Variants in ESRRG observed in about 807,000 individuals in gnomAD.
The protein encoded by ESRRG is estrogen-related receptor gamma.
ESRRG carries 13 observed loss-of-function variants against 44.0 expected under a neutral mutation model. The ratio of observed to expected loss-of-function variants is 0.30; its 90% CI spans 0.19 to 0.47. The LOEUF (loss-of-function observed/expected upper bound fraction) is 0.47, where lower values mean the gene tolerates loss of function less well. Among genes scored for constraint, ESRRG ranks in the 20% least tolerant of loss-of-function variants. The probability of loss-of-function intolerance (pLI) is 1.00; values close to 1 mark genes in which losing one functional copy is unlikely to be tolerated. For missense variants in ESRRG, 395 were observed against 580.6 expected (o/e 0.68, Z 3.29); for synonymous variants, 215 against 214.6 (o/e 1.00, Z -0.02).
chr1:216,723,486 A>G, upstream of ESRRG: 1 of 598,834 alleles, frequency 1.7e-6, no homozygotes, highest in Non-Finnish European at 3.0e-6. Flanking sequence ...AATATGAAGT[A>G]GGGCTTTACA....
intron 1 of ESRRG, among the ~76,000 whole-genome samples, chr1:216,695,004 C>A (rs1252800438): frequency 1.3e-5 from 2 of 151,960 alleles, no homozygotes; most frequent in African/African-American, 4.8e-5. Flanking sequence ...AACTATGAAG[C>A]TATTATATTA....
intron 1 of ESRRG, among the ~76,000 whole-genome samples, chr1:217,032,153 A>AT (rs1008877090): frequency 4.6e-5 from 7 of 152,296 alleles, no homozygotes; most frequent in African/African-American, 1.4e-4. Flanking sequence ...TACTAATCAC[A>AT]TTTTTTAAAA....
chr1:217,037,475 G>A (rs1473750699), intron 1 of ESRRG, among the ~76,000 whole-genome samples: 1 of 152,052 alleles, frequency 6.6e-6, no homozygotes, highest in African/African-American at 2.4e-5. Flanking sequence ...AGACCCACTC[G>A]CCGTCAGAAG....
chr1:216,569,081 AAAGG>A (rs56064287), intron 3 of ESRRG, among the ~76,000 whole-genome samples: 24,884 of 97,764 alleles, frequency 0.25, 3,285 homozygotes, highest in Non-Finnish European at 0.3. Flanking sequence ...AGACAGAGAG[AAAGG>A]AAGGAAGGAA....
chr1:217,069,375 TTG>T (rs1289421436), intron 1 of ESRRG, among the ~76,000 whole-genome samples: 3 of 151,574 alleles, frequency 2.0e-5, no homozygotes, highest in African/African-American at 7.3e-5. Flanking sequence ...AAACTACCCT[TTG>T]TATATATATA....
At chr1:216,792,767 A>G (rs567250508) in intron 2 of ESRRG, among the ~76,000 whole-genome samples, 69 of 152,296 alleles carry the variant, frequency 4.5e-4, no homozygotes, top group African/African-American at 1.6e-3. Flanking sequence ...ACTCTGCATG[A>G]AATGTAGTGG....
chr1:216,513,722 C>A (rs1558183326), intron 6 of ESRRG, among the ~76,000 whole-genome samples: 1 of 152,038 alleles, frequency 6.6e-6, no homozygotes, highest in East Asian at 1.9e-4. Flanking sequence ...GATTTACCTG[C>A]TAGGTCTTTT....
At chr1:217,004,595 C>T (rs1330879003) in intron 1 of ESRRG, among the ~76,000 whole-genome samples, 1 of 152,028 alleles carries the variant, frequency 6.6e-6, no homozygotes, top group Non-Finnish European at 1.5e-5. Context: ...ATATACTGAC[C>T]AACAATGAAG....
intron 5 of ESRRG, among the ~76,000 whole-genome samples, chr1:216,533,105 T>C (rs2049888090): frequency 6.6e-6 from 1 of 152,128 alleles, no homozygotes; most frequent in Non-Finnish European, 1.5e-5. Flanking sequence ...TGATAGAAAA[T>C]AAAGTCCAGG....
At chr1:216,938,673 G>T (rs2064597395) in intron 2 of ESRRG, among the ~76,000 whole-genome samples, 1 of 152,126 alleles carries the variant, frequency 6.6e-6, no homozygotes, top group Non-Finnish European at 1.5e-5. Context: ...ACCATTGAAA[G>T]GCATCATTGG....
chr1:216,509,802 T>C (rs1191658154), intron 6 of ESRRG, among the ~76,000 whole-genome samples: 1 of 152,194 alleles, frequency 6.6e-6, no homozygotes, highest in African/African-American at 2.4e-5. Context: ...CTCACTAAAT[T>C]TGAACTATTT....
chr1:216,966,665 T>C (rs1369670460), intron 1 of ESRRG, among the ~76,000 whole-genome samples: 1 of 152,156 alleles, frequency 6.6e-6, no homozygotes, highest in African/African-American at 2.4e-5. Flanking sequence ...CTTGTTTTCT[T>C]ATCCTAGCAT....
intron 1 of ESRRG, among the ~76,000 whole-genome samples, chr1:216,692,911 G>A (rs1559257778): frequency 6.6e-6 from 1 of 152,168 alleles, no homozygotes; most frequent in South Asian, 2.1e-4. Flanking sequence ...TATGATCTAG[G>A]TTGGTGTAAA....
chr1:216,933,984 G>C (rs6678414), intron 2 of ESRRG, among the ~76,000 whole-genome samples: 27,814 of 152,116 alleles, frequency 0.18, 2,759 homozygotes, highest in East Asian at 0.36. Flanking sequence ...GCCCGATTCT[G>C]TTAGCAATTT....
chr1:216,503,388 A>C lies in ESRRG; in HGVS notation c.*3551T>G, dbSNP rs2040654980. On this transcript the variant is annotated 3_prime_UTR_variant, in exon 7 of 7. Transcript: ENST00000408911. ...TTAACAATATATACAATATAAAATA[A>C]ATACATTTACACAAATGGACATTTG... 1 of 152,550 alleles carries C rather than the reference A, an allele frequency of 6.6e-6. No homozygotes were observed. Among genetic ancestry groups the C allele is most frequent in the South Asian group, 2.1e-4 (1 of 4,828 alleles). 9.4% of individuals were successfully genotyped at this position (152,550 alleles called of 1,614,324 possible).
chr1:216,567,465 C>A (rs1462979890), intron 4 of ESRRG, among the ~76,000 whole-genome samples: 2 of 152,046 alleles, frequency 1.3e-5, no homozygotes, highest in African/African-American at 4.8e-5. Flanking sequence ...ATTAGTAGTG[C>A]CCATTCTTGT....
intron 2 of ESRRG, among the ~76,000 whole-genome samples, chr1:216,930,829 T>C (rs930460276): frequency 6.6e-6 from 1 of 152,138 alleles, no homozygotes; most frequent in Non-Finnish European, 1.5e-5. Context: ...CAAAGAGTAA[T>C]GGAGAAGGCC....
intron 5 of ESRRG, among the ~76,000 whole-genome samples, chr1:216,555,691 C>T (rs976298717): frequency 5.3e-5 from 8 of 152,138 alleles, no homozygotes; most frequent in Non-Finnish European, 4.4e-5. Flanking sequence ...CTTTCCTCTG[C>T]TCTTTGTTTT....
intron 2 of ESRRG, among the ~76,000 whole-genome samples, chr1:216,854,722 A>T (rs1212094267): frequency 6.6e-6 from 1 of 152,190 alleles, no homozygotes; most frequent in Non-Finnish European, 1.5e-5. Context: ...ATTGCAAAAA[A>T]GTAGCTCACT....
Sources: gnomAD v4.1 joint callset for allele counts (sites outside exome capture counted in the v4.1 genomes callset) on GRCh38, gnomAD v4.1.1 for gene constraint, MANE v1.5 for transcripts, NCBI Gene and HGNC (gene_info 2026-07-23, HGNC 2026-07-21) for gene names.